Variants in ERBB4 observed in about 807,000 individuals in gnomAD.
The protein encoded by ERBB4 is erb-b2 receptor tyrosine kinase 4, also known as receptor tyrosine-protein kinase erbB-4.
In ERBB4, 42 loss-of-function variants were observed where a neutral mutation model predicts 158.0. That is an observed-to-expected ratio of 0.27 (90% CI 0.21 to 0.34). ERBB4 has a LOEUF of 0.34. Ranked by LOEUF, ERBB4 falls within the 10% of genes least tolerant of loss-of-function variation. The probability of loss-of-function intolerance (pLI) is 1.00; values close to 1 mark genes in which losing one functional copy is unlikely to be tolerated. For synonymous variants in ERBB4, 583 were observed against 558.7 expected, an observed-to-expected ratio of 1.04 and a Z score of -0.61; for missense variants, 1,333 against 1,624.1, an observed-to-expected ratio of 0.82 and a Z score of 3.08.
intron 17 of ERBB4, among the ~76,000 whole-genome samples, chr2:211,627,009 A>G (rs555559955): frequency 6.6e-6 from 1 of 152,302 alleles, no homozygotes; most frequent in East Asian, 1.9e-4. Context: ...TTTGAAGGAC[A>G]TTCTTATAAA....
intron 15 of ERBB4, among the ~76,000 whole-genome samples, chr2:211,660,949 T>C (rs1434460367): frequency 2.0e-5 from 3 of 152,146 alleles, no homozygotes. Flanking sequence ...GTAAAATAAC[T>C]CTTAAGATAA....
chr2:211,393,330 T>C (rs538533896), intron 25 of ERBB4, among the ~76,000 whole-genome samples: 1 of 152,192 alleles, frequency 6.6e-6, no homozygotes, highest in African/African-American at 2.4e-5. Flanking sequence ...TATTAAAAAT[T>C]ATAACTCCCA....
intron 2 of ERBB4, among the ~76,000 whole-genome samples, chr2:211,959,120 T>C (rs1323633159): frequency 1.3e-5 from 2 of 152,080 alleles, no homozygotes; most frequent in Non-Finnish European, 2.9e-5. Context: ...CATCCATCCA[T>C]CCATCCACCC....
intron 2 of ERBB4, among the ~76,000 whole-genome samples, chr2:212,116,138 G>C (rs2125551378): frequency 6.6e-6 from 1 of 151,636 alleles, no homozygotes; most frequent in Middle Eastern, 3.4e-3. Flanking sequence ...TTTGATTCTT[G>C]ATTCCTGGAA....
chr2:211,985,381 T>C (rs944855303), intron 2 of ERBB4, among the ~76,000 whole-genome samples: 1 of 152,184 alleles, frequency 6.6e-6, no homozygotes, highest in Admixed American at 6.5e-5. Context: ...GATTTTTCGG[T>C]ATTTGTAATA....
At position 211,705,374 on chromosome 2, in the gene ERBB4, A is replaced by T; in HGVS notation, c.1142T>A (p.Ile381Asn). 6.2e-7 allele frequency: 1 copy of T among 1,611,932 alleles called. No homozygotes were observed. The change falls in exon 10 of 28, where the codon ATT becomes AAT. Residue 381 changes from isoleucine to asparagine, a missense_variant. Around this residue, in one of 5 missense-constraint regions of ERBB4, gnomAD observed 438 missense variants for 586.9 expected, o/e 0.75. Transcript: ENST00000342788. The stretch of plus-strand genomic sequence containing the variant: ...CAGTTTCTCTGGGTCTATGGCTTCA[A>T]TTGCATTGTAAGGGTCCCTAGAAAA... ...TGIHGDPYNA[I>N]EAIDPEKLNV...
intron 19 of ERBB4, among the ~76,000 whole-genome samples, chr2:211,598,494 G>C (rs1216620525): frequency 6.6e-6 from 1 of 152,132 alleles, no homozygotes; most frequent in East Asian, 1.9e-4. Flanking sequence ...ACTTACATCT[G>C]TTTGGAATAT....
intron 1 of ERBB4, among the ~76,000 whole-genome samples, chr2:212,397,492 A>AAGG (rs138517736): frequency 1.4e-5 from 2 of 145,782 alleles, no homozygotes; most frequent in African/African-American, 2.6e-5. Context: ...AGAAAGAAAA[A>AAGG]AAGGAAGGAA....
At chr2:211,651,618 G>T (rs1381818976) in intron 16 of ERBB4, among the ~76,000 whole-genome samples, 1 of 151,838 alleles carries the variant, frequency 6.6e-6, no homozygotes, top group Non-Finnish European at 1.5e-5. Context: ...TGGGTCTATT[G>T]GTCAGAGAGA....
chr2:212,465,383 C>T (rs1024399351), intron 1 of ERBB4, among the ~76,000 whole-genome samples: 2 of 152,110 alleles, frequency 1.3e-5, no homozygotes, highest in African/African-American at 4.8e-5. Flanking sequence ...AGCGAACAGT[C>T]ATGGTCACAG....
At chr2:211,759,750 A>G (rs950900875) in intron 4 of ERBB4, among the ~76,000 whole-genome samples, 3 of 152,114 alleles carry the variant, frequency 2.0e-5, no homozygotes, top group African/African-American at 7.2e-5. Context: ...ATGCATAAAA[A>G]CATGAAAGAA....
chr2:211,692,293 C>A (rs180720163), intron 12 of ERBB4, among the ~76,000 whole-genome samples: 1 of 152,086 alleles, frequency 6.6e-6, no homozygotes, highest in Non-Finnish European at 1.5e-5. Flanking sequence ...CAATTGTGTC[C>A]GAAAAGCTAT....
chr2:212,326,495 TA>T (rs1011941754), intron 1 of ERBB4, among the ~76,000 whole-genome samples: 10 of 150,150 alleles, frequency 6.7e-5, no homozygotes, highest in Admixed American at 4.7e-4. Flanking sequence ...TTCCTTAGCT[TA>T]AAAAAAAATT....
At chr2:212,229,319 C>T (rs1170132917) in intron 1 of ERBB4, among the ~76,000 whole-genome samples, 2 of 152,078 alleles carry the variant, frequency 1.3e-5, no homozygotes, top group Non-Finnish European at 2.9e-5. Flanking sequence ...AAAGATGCCT[C>T]GGTGAAGTCT....
intron 20 of ERBB4, among the ~76,000 whole-genome samples, chr2:211,552,176 G>A (rs536297605): frequency 1.3e-5 from 2 of 151,618 alleles, no homozygotes; most frequent in South Asian, 4.1e-4. Flanking sequence ...AATATGACAT[G>A]GATATTCAAG....
intron 3 of ERBB4, among the ~76,000 whole-genome samples, chr2:211,843,899 G>A (rs1177115851): frequency 6.6e-6 from 1 of 152,064 alleles, no homozygotes; most frequent in Non-Finnish European, 1.5e-5. Flanking sequence ...AATATTTACA[G>A]ATGATGCCTT....
At chr2:211,903,301 A>G (rs976122781) in intron 3 of ERBB4, among the ~76,000 whole-genome samples, 1 of 152,138 alleles carries the variant, frequency 6.6e-6, no homozygotes, top group Admixed American at 6.6e-5. Context: ...ATTAAATATC[A>G]TATTGAATGA....
chr2:212,510,063 T>C (rs1691422760), intron 1 of ERBB4, among the ~76,000 whole-genome samples: 1 of 151,038 alleles, frequency 6.6e-6, no homozygotes, highest in East Asian at 1.9e-4. Context: ...TGCAGTCAAA[T>C]GTATACACTA....
intron 20 of ERBB4, among the ~76,000 whole-genome samples, chr2:211,459,100 ATACTT>A (rs1366777894): frequency 3.3e-5 from 5 of 152,214 alleles, no homozygotes; most frequent in Non-Finnish European, 5.9e-5. Flanking sequence ...CCCCAATACA[ATACTT>A]TTCTGTGTTT....
Sources: gnomAD v4.1 joint callset for allele counts (sites outside exome capture counted in the v4.1 genomes callset) on GRCh38, gnomAD v4.1.1 for gene constraint, gnomAD v4.1.1 regional missense constraint, MANE v1.5 for transcripts, NCBI Gene and HGNC (gene_info 2026-07-23, HGNC 2026-07-21) for gene names.